Variants in PLCB4 observed in about 807,000 individuals in gnomAD.
PLCB4 encodes phospholipase C beta 4.
Under a neutral mutation model 178.8 loss-of-function variants are expected in PLCB4, and 77 were observed. The ratio of observed to expected loss-of-function variants is 0.43; its 90% CI spans 0.36 to 0.52. The LOEUF is 0.52. Among genes scored for constraint, PLCB4 ranks in the 20% least tolerant of loss-of-function variants. The probability of loss-of-function intolerance (pLI) is 0.00; values close to 1 mark genes in which losing one functional copy is unlikely to be tolerated. For missense variants in PLCB4, 1,024 were observed against 1,453.4 expected (o/e 0.70, Z 4.80); for synonymous variants, 496 against 490.8 (o/e 1.01, Z -0.14).
At chr20:9,313,051 C>T (rs907121085) in intron 4 of PLCB4, among the ~76,000 whole-genome samples, 1 of 152,080 alleles carries the variant, frequency 6.6e-6, no homozygotes, top group Non-Finnish European at 1.5e-5. Flanking sequence ...TTCAATCATG[C>T]TTTGATGTAA....
chr20:9,153,296 C>T (rs1200504947), intron 2 of PLCB4, among the ~76,000 whole-genome samples: 1 of 152,082 alleles, frequency 6.6e-6, no homozygotes, highest in Admixed American at 6.5e-5. Context: ...ATTTTGTTTG[C>T]CTGTGTCCCC....
chr20:9,452,836 T>G (rs2042845822), intron 32 of PLCB4, among the ~76,000 whole-genome samples: 1 of 152,186 alleles, frequency 6.6e-6, no homozygotes, highest in South Asian at 2.1e-4. Flanking sequence ...CAGTGATGCC[T>G]CTCATTATAT....
intron 1 of PLCB4, among the ~76,000 whole-genome samples, chr20:9,080,605 T>C (rs950842022): frequency 2.0e-5 from 3 of 152,218 alleles, no homozygotes; most frequent in Non-Finnish European, 4.4e-5. Flanking sequence ...CTTGAGTACC[T>C]CTTCATTACT....
chr20:9,449,414 A>G (rs2042613600), intron 32 of PLCB4, among the ~76,000 whole-genome samples: 1 of 152,172 alleles, frequency 6.6e-6, no homozygotes, highest in South Asian at 2.1e-4. Context: ...TTGACTCCAT[A>G]AAAGCTGGGA....
chr20:9,405,319 G>A lies in PLCB4; in HGVS notation c.1618G>A (p.Asp540Asn), dbSNP rs748296340. 6 of 1,546,158 alleles carry A rather than the reference G, an allele frequency of 3.9e-6. No homozygotes were observed. The South Asian group carries it at 7.2e-5, about 19-fold the overall frequency. ...ATTTCCTTTCTCTAATTAGGCTTCA[G>A]ATGACCTTGAACATGAAAACAACAA... Reference protein sequence around the residue: ...AVANSVKKASDDLEHENNKKG... With the variant: ...AVANSVKKASNDLEHENNKKG... The change falls in exon 21 of 40, where the codon GAT becomes AAT. Residue 540 changes from aspartate (D) to asparagine (N), a missense_variant. Physicochemically the swap from Asp to Asn is conservative, Grantham distance 23 (BLOSUM62 1). Around this residue, in one of 7 missense-constraint regions of PLCB4, gnomAD observed 263 missense variants for 417.4 expected, o/e 0.63. Transcript: ENST00000378473.
Position 9,325,570 on chromosome 20 carries a change from G to C in PLCB4, c.85-11556G>C, listed in dbSNP as rs117792502. On this transcript the variant is annotated intron_variant, in intron 4 of 39. Coordinates refer to ENST00000378473, the MANE Select transcript of PLCB4 (RefSeq NM_001377142.1). The stretch of plus-strand genomic sequence containing the variant: ...CTCACAGCAGAGACACTTCAGGGAG[G>C]GAAAATTACAAACCTAGACAGATCC... 3.3e-4 allele frequency among the ~76,000 whole-genome samples: 50 copies of C among 152,196 alleles called. No homozygotes were observed. The East Asian group carries it at 8.5e-3, about 26-fold the overall frequency.
chr20:9,226,284 G>A (rs950332996), intron 3 of PLCB4, among the ~76,000 whole-genome samples: 5 of 152,166 alleles, frequency 3.3e-5, no homozygotes, highest in African/African-American at 7.2e-5. Flanking sequence ...TACTCCTCAT[G>A]TAATAATAAA....
At chr20:9,152,203 A>G (rs907599031) in intron 2 of PLCB4, among the ~76,000 whole-genome samples, 2 of 152,132 alleles carry the variant, frequency 1.3e-5, no homozygotes, top group African/African-American at 4.8e-5. Flanking sequence ...AGAAAAACCC[A>G]TTTTCTGGGG....
At chr20:9,258,102 T>C (rs539056777) in intron 3 of PLCB4, among the ~76,000 whole-genome samples, 1 of 152,156 alleles carries the variant, frequency 6.6e-6, no homozygotes, top group East Asian at 1.9e-4. Context: ...GGAAAAAAAG[T>C]GGAGGAAATA....
chr20:9,151,194 G>A (rs903122087), intron 2 of PLCB4, among the ~76,000 whole-genome samples: 3 of 152,080 alleles, frequency 2.0e-5, no homozygotes, highest in Non-Finnish European at 4.4e-5. Flanking sequence ...ATTGTATTGG[G>A]TATTATAAGT....
Position 9,280,949 on chromosome 20 carries a change from C to CAA in PLCB4, c.-15-26837_-15-26836dup, listed in dbSNP as rs76377634. The stretch of plus-strand genomic sequence containing the variant: ...GCTTAGGGCAAAGAAACATCTGCTA[C>CAA]AAAAAAAAAAAAAAAGAGGTATACC... On this transcript the variant is annotated intron_variant, in intron 3 of 39. Transcript: ENST00000378473. 3.0e-4 allele frequency among the ~76,000 whole-genome samples: 25 copies of CAA among 83,006 alleles called. No homozygotes were observed. In the East Asian group the frequency reaches 3.2e-3, roughly 11 times the overall value. The allele number at this position is 83,006 out of a possible 152,430, so 54.5% of individuals were successfully genotyped here.
chr20:9,387,363 G>C, intron 14 of PLCB4, 100 bp from the exon 15 acceptor site: 1 of 620,330 alleles, frequency 1.6e-6, no homozygotes, highest in Non-Finnish European at 2.8e-6. Flanking sequence ...TCAATTTTCT[G>C]TTCTGGAAGA....
intron 24 of PLCB4, 90 bp from the exon 25 acceptor site, chr20:9,410,947 G>T: frequency 2.3e-6 from 2 of 861,838 alleles, no homozygotes; most frequent in Non-Finnish European, 3.9e-6. Flanking sequence ...GGGCCTAGGA[G>T]CAATCTGATA....
chr20:9,297,159 C>CCCG (rs2094646667), intron 3 of PLCB4, among the ~76,000 whole-genome samples: 1 of 145,680 alleles, frequency 6.9e-6, no homozygotes, highest in African/African-American at 2.7e-5. Context: ...TAGCCCGCAC[C>CCCG]CCCCCCCACA....
Position 9,211,051 on chromosome 20 carries a change from G to T in PLCB4, c.-78-6339G>T, listed in dbSNP as rs8125228. Among the ~76,000 whole-genome samples the T allele has an allele frequency of 5.3e-3, 805 of 152,250 alleles. 10 individuals carry two copies. Among genetic ancestry groups the T allele is most frequent in the African/African-American group, 0.019 (772 of 41,540 alleles). On this transcript the variant is annotated intron_variant, in intron 2 of 39. Transcript: ENST00000378473. ...AATGTCTAGGCATGGTATGATTTGGGCTAACACAGTGTCCTTTTGGCCCAC... is the reference window on the plus strand; with the variant it reads ...AATGTCTAGGCATGGTATGATTTGGTCTAACACAGTGTCCTTTTGGCCCAC...
rs1212471183 is a variant in PLCB4, at chr20:9,384,237, T to C, written c.890T>C (p.Met297Thr). 1.2e-6 allele frequency: 2 copies of C among 1,614,004 alleles called. No individual in the cohort carries two copies. Among genetic ancestry groups the C allele is most frequent in the African/African-American group, 1.3e-5 (1 of 74,930 alleles). ...AGTGATGGGTTTTGCAGATATCTGA[T>C]GTCAGATGAAAACGCCCCAGTCTTC... ...ISSDGFCRYL[M>T]SDENAPVFLD... The change falls in exon 14 of 40, where the codon ATG (methionine) becomes ACG (threonine). Residue 297 changes from methionine to threonine, a missense_variant. Physicochemically the swap from Met to Thr is moderately conservative, Grantham distance 81. Coordinates refer to ENST00000378473, the MANE Select transcript of PLCB4 (RefSeq NM_001377142.1).
rs534856704 is a variant in PLCB4 at position 9,239,298 on chromosome 20, T to C, written c.-16+21846T>C. 3.3e-5 allele frequency among the ~76,000 whole-genome samples: 5 copies of C among 152,324 alleles called. No individual in the cohort carries two copies. The East Asian group carries it at 9.7e-4, about 29-fold the overall frequency. ...GTATCCAAGCATTTTCTTTGTCTTA[T>C]TTTTTCATATCTTACATCATGATAG... On this transcript the variant is annotated intron_variant, in intron 3 of 39. Transcript: ENST00000378473.
intron 8 of PLCB4, 49 bp downstream of exon 8, chr20:9,363,024 T>C (rs1309820917): frequency 2.3e-6 from 3 of 1,315,890 alleles, no homozygotes; most frequent in East Asian, 2.3e-5. Flanking sequence ...ATCAAACAAA[T>C]GGTCAGATGA....
intron 35 of PLCB4, among the ~76,000 whole-genome samples, chr20:9,461,791 G>A (rs907351892): frequency 1.4e-4 from 22 of 152,186 alleles, no homozygotes; most frequent in African/African-American, 5.1e-4. Context: ...GCTCAGCAAG[G>A]CCTACTGCCT....
Sources: allele counts gnomAD v4.1 joint callset (sites outside exome capture counted in the v4.1 genomes callset), GRCh38; gene constraint gnomAD v4.1.1; regional missense constraint gnomAD v4.1.1; transcripts MANE v1.5; gene names NCBI Gene and HGNC (gene_info 2026-07-23, HGNC 2026-07-21).